Variants in CDH13 observed in about 807,000 individuals in gnomAD.
The protein encoded by CDH13 is cadherin-13.
Under a neutral mutation model 63.8 loss-of-function variants are expected in CDH13, and 24 were observed. The observed-to-expected ratio is 0.38, with a 90% CI of 0.27 to 0.53. The LOEUF (loss-of-function observed/expected upper bound fraction) is 0.53. Ranked by LOEUF, CDH13 falls within the 20% of genes least tolerant of loss-of-function variation. The probability of loss-of-function intolerance (pLI) is 0.85; values close to 1 mark genes in which losing one functional copy is unlikely to be tolerated. For missense variants in CDH13, 1,049 were observed against 903.1 expected (o/e 1.16, Z -2.07); for synonymous variants, 503 against 355.3 (o/e 1.42, Z -4.67).
chr16:83,241,202 T>G (rs1904411718), intron 5 of CDH13, among the ~76,000 whole-genome samples: 1 of 152,216 alleles, frequency 6.6e-6, no homozygotes, highest in African/African-American at 2.4e-5. Context: ...ATTGTGTGGA[T>G]ATACCACATT....
At chr16:82,726,416 T>G (rs2033098882) in intron 1 of CDH13, among the ~76,000 whole-genome samples, 1 of 152,226 alleles carries the variant, frequency 6.6e-6, no homozygotes, top group African/African-American at 2.4e-5. Flanking sequence ...TCATATAATT[T>G]TCATGGACCA....
At position 82,911,467 on chromosome 16, in the gene CDH13, C is replaced by T. The variant is rs189260157; in HGVS notation, c.157+52994C>T. Among the ~76,000 whole-genome samples the T allele has an allele frequency of 2.0e-5, 3 of 152,288 alleles. No individual in the cohort carries two copies. In the East Asian group the frequency reaches 5.8e-4, roughly 29 times the overall value. On this transcript the variant is annotated intron_variant, in intron 2 of 13. Transcript: ENST00000567109. ...CCTAGAGGGAACTCTGCAGGGGCTA[C>T]ATACGGAATCTTGATGTTGCCTCCT...
intron 5 of CDH13, among the ~76,000 whole-genome samples, chr16:83,336,187 G>A (rs1050135289): frequency 6.6e-6 from 1 of 151,648 alleles, no homozygotes; most frequent in Non-Finnish European, 1.5e-5. Flanking sequence ...TGTAATCGCA[G>A]CTACTCAGGA....
rs371950656 is a variant in CDH13 at position 83,664,715 on chromosome 16, G to C, written c.1102-6075G>C. On this transcript the variant is annotated intron_variant, in intron 8 of 13. Transcript: ENST00000567109. ...GTTTTCTGCAGATGGATATCCAATT[G>C]ATCTAGCACCATTTACTGAAATGAC... Among the ~76,000 whole-genome samples the C allele has an allele frequency of 4.1e-4, 63 of 152,182 alleles. 1 individual carries two copies. The East Asian group carries it at 8.9e-3, about 21-fold the overall frequency.
chr16:83,118,765 C>T (rs4783325), intron 3 of CDH13, among the ~76,000 whole-genome samples: 61,759 of 151,876 alleles, frequency 0.41, 12,776 homozygotes, highest in Admixed American at 0.48. Flanking sequence ...TTTCCTTCAA[C>T]CCCTCTGTGT....
At chr16:83,617,086 T>G (rs1349781905) in intron 8 of CDH13, among the ~76,000 whole-genome samples, 3 of 152,222 alleles carry the variant, frequency 2.0e-5, no homozygotes, top group Non-Finnish European at 2.9e-5. Context: ...AGTTACCACA[T>G]TGCCTTTCGC....
chr16:83,628,011 G>C (rs1910470895), intron 8 of CDH13, among the ~76,000 whole-genome samples: 3 of 152,154 alleles, frequency 2.0e-5, no homozygotes. Flanking sequence ...TCATAGCGCT[G>C]GTGGGAGTGT....
chr16:83,758,509 A>G (rs72801011), intron 11 of CDH13, among the ~76,000 whole-genome samples: 5,630 of 152,256 alleles, frequency 0.037, 131 homozygotes, highest in East Asian at 0.087. Context: ...ATCTTCCTCA[A>G]TGGTGAAATA....
chr16:82,827,254 T>A (rs964106039), intron 1 of CDH13, among the ~76,000 whole-genome samples: 3 of 152,222 alleles, frequency 2.0e-5, no homozygotes, highest in Non-Finnish European at 4.4e-5. Context: ...ATCGTGTGAA[T>A]TCCCTTCTAA....
chr16:83,448,996 C>G (rs2072798567), intron 6 of CDH13, among the ~76,000 whole-genome samples: 1 of 152,058 alleles, frequency 6.6e-6, no homozygotes, highest in Non-Finnish European at 1.5e-5. Context: ...TCCTAGATAC[C>G]GAATTTCCAC....
chr16:83,684,209 A>T (rs915066842), intron 10 of CDH13, among the ~76,000 whole-genome samples: 3 of 152,128 alleles, frequency 2.0e-5, no homozygotes, highest in Non-Finnish European at 4.4e-5. Flanking sequence ...TCTACTAAAA[A>T]TACAAAAATT....
chr16:83,214,978 G>A (rs901927495), intron 4 of CDH13, among the ~76,000 whole-genome samples: 2 of 150,932 alleles, frequency 1.3e-5, no homozygotes, highest in African/African-American at 4.9e-5. Flanking sequence ...GGGCTTCCAG[G>A]CAGCAAGTAG....
chr16:82,844,089 G>C (rs1191618707), intron 1 of CDH13, among the ~76,000 whole-genome samples: 1 of 152,156 alleles, frequency 6.6e-6, no homozygotes, highest in African/African-American at 2.4e-5. Flanking sequence ...TTCAGAATGT[G>C]TCAAGGTTAC....
At chr16:83,274,776 A>G (rs2088933141) in intron 5 of CDH13, among the ~76,000 whole-genome samples, 1 of 152,186 alleles carries the variant, frequency 6.6e-6, no homozygotes, top group Non-Finnish European at 1.5e-5. Context: ...CGCCAGATCT[A>G]CTACTAAGAA....
In CDH13 at chr16:83,602,552, C is replaced by T. The variant is rs562565693; in HGVS notation, c.1059C>T (p.Ile353=). 2.0e-5 allele frequency: 32 copies of T among 1,613,922 alleles called. No individual in the cohort carries two copies. Among genetic ancestry groups the T allele is most frequent in the African/African-American group, 9.3e-5 (7 of 75,016 alleles). Residue 353 remains isoleucine, a synonymous_variant, in exon 8 of 14, where the codon ATC becomes ATT. Transcript: ENST00000567109. ...LTGTATATIM[I]DDKNDHSPKF... ...GCACGGCCACAGCCACGATCATGATCGATGACAAAAATGATCACTCACCAA... is the reference window on the plus strand; with the variant it reads ...GCACGGCCACAGCCACGATCATGATTGATGACAAAAATGATCACTCACCAA...
intron 2 of CDH13, among the ~76,000 whole-genome samples, chr16:82,912,979 T>C (rs1327143424): frequency 6.6e-6 from 1 of 151,880 alleles, no homozygotes; most frequent in Non-Finnish European, 1.5e-5. Context: ...CAAAATTGTG[T>C]CTTTTTCAAC....
rs1433796281 is a variant in CDH13, at chr16:83,748,128, C to A, written c.1559C>A (p.Pro520Gln). Residue 520 changes from proline to glutamine, a missense_variant, in exon 11 of 14, where the codon CCA (proline) becomes CAA (glutamine). By Grantham distance (76) the Pro-to-Gln change is moderately conservative. Transcript: ENST00000567109. ...QTIRYSVYKD[P>Q]AGWLNINPIN... is the part of the protein sequence containing the mutation. ...TTCAGGTATTCTGTTTACAAGGACCCAGCAGGTTGGCTGAATATTAACCCC... is the reference window on the plus strand; with the variant it reads ...TTCAGGTATTCTGTTTACAAGGACCAAGCAGGTTGGCTGAATATTAACCCC... 6.8e-6 allele frequency: 11 copies of A among 1,613,734 alleles called. No individual in the cohort carries two copies. The highest frequency in any genetic ancestry group is 8.5e-6 in the Non-Finnish European group (10 of 1,179,854).
intron 7 of CDH13, among the ~76,000 whole-genome samples, chr16:83,601,097 A>T (rs1212654011): frequency 2.6e-5 from 4 of 152,138 alleles, no homozygotes; most frequent in Non-Finnish European, 5.9e-5. Context: ...GCACTGACTG[A>T]CTTCTTCTAA....
At chr16:83,187,731 C>T (rs1478969119) in intron 4 of CDH13, among the ~76,000 whole-genome samples, 1 of 152,244 alleles carries the variant, frequency 6.6e-6, no homozygotes, top group Admixed American at 6.5e-5. Context: ...ACAGACCAAG[C>T]CCTGTCCTAC....
Sources: allele counts gnomAD v4.1 joint callset (sites outside exome capture counted in the v4.1 genomes callset), GRCh38; gene constraint gnomAD v4.1.1; transcripts MANE v1.5; gene names NCBI Gene and HGNC (gene_info 2026-07-23, HGNC 2026-07-21).